The following PPP6R2 variants were observed in gnomAD, a reference collection of about 807,000 sequenced individuals.
The protein encoded by PPP6R2 is serine/threonine-protein phosphatase 6 regulatory subunit 2.
PPP6R2 carries 62 observed loss-of-function variants against 100.2 expected under a neutral mutation model. That is an observed-to-expected ratio of 0.62 (90% CI 0.50 to 0.76). The LOEUF (loss-of-function observed/expected upper bound fraction) is 0.76, where lower values mean the gene tolerates loss of function less well. Among genes scored for constraint, PPP6R2 ranks in the 30% least tolerant of loss-of-function variants. The pLI, the probability that PPP6R2 is intolerant of heterozygous loss-of-function variation, is 0.00. For synonymous variants in PPP6R2, 525 were observed against 514.7 expected (o/e 1.02, Z -0.27); for missense variants, 1,142 against 1,276.3 (o/e 0.89, Z 1.60).
chr22:50,412,515 T>C (rs1264013757), intron 4 of PPP6R2, among the ~76,000 whole-genome samples: 1 of 152,096 alleles, frequency 6.6e-6, no homozygotes, highest in African/African-American at 2.4e-5. Flanking sequence ...TTTGGAAGAA[T>C]TTATTAGGCC....
chr22:50,375,858 T>TTTTTTA (rs2051416470), intron 2 of PPP6R2, among the ~76,000 whole-genome samples: 1 of 144,174 alleles, frequency 6.9e-6, no homozygotes, highest in African/African-American at 2.7e-5. Context: ...TTTTTTTTTT[T>TTTTTTA]GAGATGGAGT....
intron 3 of PPP6R2, 117 bp downstream of exon 3, chr22:50,394,252 TC>T: frequency 6.8e-7 from 1 of 1,469,216 alleles, no homozygotes; most frequent in Non-Finnish European, 9.1e-7. Context: ...GCCGTAAAAA[TC>T]CACCCCATGT....
At position 50,387,968 on chromosome 22, in the gene PPP6R2, T is replaced by A. The variant is rs139970846; in HGVS notation, c.-16-5925T>A. On this transcript the variant is annotated intron_variant, in intron 2 of 23. Transcript: ENST00000612753. ...GAGAGATCATGTGAGTGGCCTCAGC[T>A]CACACCGCAGAGCTAGGACTTTGAT... 5.3e-3 allele frequency among the ~76,000 whole-genome samples: 811 copies of A among 152,266 alleles called. 9 individuals are homozygous for A. Among genetic ancestry groups the A allele is most frequent in the African/African-American group, 0.018 (745 of 41,552 alleles).
chr22:50,339,846 T>TG (rs2042351134), upstream of PPP6R2, among the ~76,000 whole-genome samples: 1 of 66,540 alleles, frequency 1.5e-5, no homozygotes, highest in Non-Finnish European at 2.7e-5. Context: ...TGGTGTGTGG[T>TG]GTGTGTGTGG....
intron 3 of PPP6R2, among the ~76,000 whole-genome samples, chr22:50,394,913 CAAAAA>C (rs57028687): frequency 1.3e-5 from 1 of 76,438 alleles, no homozygotes; most frequent in Non-Finnish European, 2.6e-5. Context: ...GACTCTGTCT[CAAAAA>C]AAAAAAAAAA....
intron 4 of PPP6R2, among the ~76,000 whole-genome samples, chr22:50,414,288 C>T (rs1438133226): frequency 7.6e-6 from 1 of 131,170 alleles, no homozygotes; most frequent in East Asian, 2.3e-4. Flanking sequence ...CCTGGGACAG[C>T]TGTGTCCTGT....
intron 3 of PPP6R2, among the ~76,000 whole-genome samples, chr22:50,401,420 G>C (rs1166487866): frequency 6.6e-6 from 1 of 151,022 alleles, no homozygotes; most frequent in Non-Finnish European, 1.5e-5. Context: ...TGTTAGCCAG[G>C]ATGGTCTCGA....
chr22:50,381,327 C>T (rs1176819467), intron 2 of PPP6R2, among the ~76,000 whole-genome samples: 2 of 89,436 alleles, frequency 2.2e-5, no homozygotes, highest in East Asian at 2.8e-4. Context: ...CAGCATCACA[C>T]GGGCCTCACC....
At chr22:50,342,148 C>T (rs1485746657), upstream of PPP6R2, among the ~76,000 whole-genome samples, 2 of 152,178 alleles carry the variant, frequency 1.3e-5, no homozygotes, top group East Asian at 3.9e-4. Context: ...CATTCCGTAG[C>T]TCAACTCAGC....
At chr22:50,408,453 G>C (rs1458503906) in intron 4 of PPP6R2, among the ~76,000 whole-genome samples, 2 of 152,158 alleles carry the variant, frequency 1.3e-5, no homozygotes, top group Admixed American at 1.3e-4. Flanking sequence ...GGGCCGCCAG[G>C]GGACTGCCTC....
chr22:50,348,638 A>C (rs1167606380), intron 1 of PPP6R2, among the ~76,000 whole-genome samples: 2 of 152,126 alleles, frequency 1.3e-5, no homozygotes, highest in Non-Finnish European at 2.9e-5. Flanking sequence ...AAGTAGGGGA[A>C]GTCTGAGAAG....
intron 1 of PPP6R2, among the ~76,000 whole-genome samples, chr22:50,350,578 G>C (rs1420655144): frequency 6.6e-6 from 1 of 151,752 alleles, no homozygotes; most frequent in Non-Finnish European, 1.5e-5. Context: ...GGGCGCGGTG[G>C]CTCACGCCTG....
chr22:50,388,070 C>A (rs2054606926), intron 2 of PPP6R2, among the ~76,000 whole-genome samples: 1 of 152,034 alleles, frequency 6.6e-6, no homozygotes, highest in Non-Finnish European at 1.5e-5. Context: ...ATGCTGTAAT[C>A]CCAGCACCTT....
At chr22:50,347,368 T>C in intron 1 of PPP6R2, among the ~76,000 whole-genome samples, 1 of 151,948 alleles carries the variant, frequency 6.6e-6, no homozygotes, top group East Asian at 1.9e-4. Context: ...TTTCCATTAT[T>C]TCCTAACCCT....
Position 50,439,715 on chromosome 22 carries a change from G to T in PPP6R2, c.2143G>T (p.Ala715Ser). 1 of 1,602,660 alleles carries T rather than the reference G, an allele frequency of 6.2e-7. No homozygotes were observed. The highest frequency in any genetic ancestry group is 8.5e-7 in the Non-Finnish European group (1 of 1,174,190). The change falls in exon 20 of 24, where the codon GCA becomes TCA. Residue 715 changes from alanine (A) to serine (S), a missense_variant. By Grantham distance (99) the Ala-to-Ser change is moderately conservative. Around this residue, in one of 2 missense-constraint regions of PPP6R2, gnomAD observed 550 missense variants for 517.4 expected, o/e 1.06. Coordinates refer to ENST00000612753, the MANE Select transcript of PPP6R2 (RefSeq NM_001242898.2). ...EGDSEGAMWT[A>S]VFDEPANSTP... ...TCCCCCAGCAGGCGCCATGTGGACG[G>T]CAGTGTTTGATGAGCCAGCGAACTC...
the PPP6R2 span, among the ~76,000 whole-genome samples, chr22:50,335,130 C>A: frequency 1.3e-5 from 2 of 151,370 alleles, no homozygotes; most frequent in African/African-American, 4.9e-5. Context: ...CGGCTCACCA[C>A]AACCTCCGCC....
chr22:50,416,194 C>T, intron 6 of PPP6R2, 37 bp downstream of exon 6: 1 of 1,570,222 alleles, frequency 6.4e-7, no homozygotes, highest in Admixed American at 1.7e-5. Context: ...TGCATCAGTC[C>T]AGGCCTGTGC....
chr22:50,427,726 T>C (rs2062408171), intron 10 of PPP6R2, among the ~76,000 whole-genome samples: 1 of 144,318 alleles, frequency 6.9e-6, no homozygotes, highest in Non-Finnish European at 1.6e-5. Flanking sequence ...ATTTTTGTTT[T>C]GTTTTGTTTT....
the PPP6R2 span, among the ~76,000 whole-genome samples, chr22:50,336,290 A>G: frequency 6.6e-6 from 1 of 152,172 alleles, no homozygotes; most frequent in Non-Finnish European, 1.5e-5. Context: ...GTCCAGCCTG[A>G]ATTTTTAAAC....
Sources: gnomAD v4.1 joint callset for allele counts (sites outside exome capture counted in the v4.1 genomes callset) on GRCh38, gnomAD v4.1.1 for gene constraint, gnomAD v4.1.1 regional missense constraint, MANE v1.5 for transcripts, NCBI Gene and HGNC (gene_info 2026-07-23, HGNC 2026-07-21) for gene names.